MTMR3: variants seen among roughly 807,000 people sequenced by gnomAD.
MTMR3 encodes the protein myotubularin related protein 3.
MTMR3 carries 32 observed loss-of-function variants against 132.4 expected under a neutral mutation model. That is an observed-to-expected ratio of 0.24 (90% CI 0.18 to 0.32). The LOEUF is 0.32. Among genes scored for constraint, MTMR3 ranks in the 10% least tolerant of loss-of-function variants. The pLI, the probability that MTMR3 is intolerant of heterozygous loss-of-function variation, is 1.00. For missense variants in MTMR3, 1,216 were observed against 1,489.6 expected (o/e 0.82, Z 3.02); for synonymous variants, 556 against 550.3 (o/e 1.01, Z -0.14).
At chr22:29,886,754 C>T (rs1161708703) in intron 1 of MTMR3, among the ~76,000 whole-genome samples, 1 of 152,150 alleles carries the variant, frequency 6.6e-6, no homozygotes, top group Non-Finnish European at 1.5e-5. Flanking sequence ...ATGTATGTTG[C>T]AAGTGTTATG....
intron 5 of MTMR3, chr22:29,979,410 T>C (rs958706816): frequency 7.3e-5 from 16 of 218,414 alleles, no homozygotes; most frequent in Non-Finnish European, 1.5e-4. Context: ...GAGAATGGCA[T>C]GAACCCGGGA....
chr22:30,027,370 G>A lies in MTMR3; in HGVS notation c.*1569G>A, dbSNP rs2067930702. On this transcript the variant is annotated 3_prime_UTR_variant, in exon 20 of 20. Transcript: ENST00000401950. The stretch of plus-strand genomic sequence containing the variant: ...GGTGGTTCTGTGCATGCCTGGGTGT[G>A]GTTAAGGCGTGGCCCAGAAGGCTTC... The A allele has an allele frequency of 6.5e-6, 1 of 152,836 alleles. No homozygotes were observed. Among genetic ancestry groups the A allele is most frequent in the Non-Finnish European group, 1.5e-5 (1 of 68,080 alleles). The allele number at this position is 152,836 out of a possible 1,614,324, so 9.5% of individuals were successfully genotyped here.
rs1366857080 is a variant in MTMR3 at position 30,022,131 on chromosome 22, G to A, written c.3328G>A (p.Asp1110Asn). The A allele has an allele frequency of 6.2e-7, 1 of 1,612,330 alleles. No homozygotes were observed. Among genetic ancestry groups the A allele is most frequent in the South Asian group, 1.1e-5 (1 of 91,046 alleles). ...EASWEQVDKQDTEMTRWLPDH... is the reference protein window; with the variant it reads ...EASWEQVDKQNTEMTRWLPDH... The stretch of plus-strand genomic sequence containing the variant: ...CAGCTGGGAGCAGGTGGATAAACAG[G>A]ACACAGAGGTACAGGCTCAGCCCCT... Residue 1110 changes from aspartate to asparagine, a missense_variant, in exon 18 of 20, where the codon GAC (aspartate) becomes AAC (asparagine). Asp to Asn is a conservative substitution (Grantham distance 23). This residue lies in a region of MTMR3 where 852 missense variants were observed against 852.0 expected (regional missense o/e 1.00). Transcript: ENST00000401950.
chr22:30,022,003 G>C (rs756865053), intron 17 of MTMR3, 26 bp from the exon 18 acceptor site: 1 of 1,565,066 alleles, frequency 6.4e-7, no homozygotes, highest in South Asian at 1.1e-5. Flanking sequence ...GGTTCATTCT[G>C]TTCAGCTGTG....
chr22:29,942,491 A>G (rs1044413796), intron 1 of MTMR3, among the ~76,000 whole-genome samples: 2 of 152,208 alleles, frequency 1.3e-5, no homozygotes, highest in African/African-American at 2.4e-5. Flanking sequence ...TTGAGAGCAG[A>G]CAACTGGTCT....
At chr22:29,964,309 C>T (rs774320582) in intron 2 of MTMR3, among the ~76,000 whole-genome samples, 1 of 152,192 alleles carries the variant, frequency 6.6e-6, no homozygotes, top group Non-Finnish European at 1.5e-5. Flanking sequence ...GGATTGGTCA[C>T]ATCTGCGATT....
At chr22:30,022,227 C>T in intron 18 of MTMR3, 88 bp downstream of exon 18, 1 of 1,028,828 alleles carries the variant, frequency 9.7e-7, no homozygotes, top group Non-Finnish European at 1.5e-6. Context: ...TACCCCTGGC[C>T]AAGGAAGCAC....
chr22:29,927,739 G>A (rs2065545102), intron 1 of MTMR3, among the ~76,000 whole-genome samples: 2 of 150,338 alleles, frequency 1.3e-5, no homozygotes, highest in Admixed American at 1.3e-4. Context: ...TTCCTTGGAT[G>A]GAGACTCTTT....
intron 7 of MTMR3, chr22:29,996,524 A>T (rs2067063012): frequency 6.6e-6 from 1 of 152,110 alleles, no homozygotes; most frequent in South Asian, 2.1e-4. Flanking sequence ...GTAAAAGATC[A>T]TTAATGTACA....
intron 1 of MTMR3, among the ~76,000 whole-genome samples, chr22:29,905,347 G>C (rs1296047087): frequency 6.6e-6 from 1 of 152,174 alleles, no homozygotes; most frequent in Non-Finnish European, 1.5e-5. Context: ...GAGTGGACCT[G>C]TGCAGTTCAA....
chr22:29,983,530 A>T (rs549522364), intron 5 of MTMR3: 2 of 152,216 alleles, frequency 1.3e-5, no homozygotes, highest in Admixed American at 6.5e-5. Context: ...TAGCATTCAT[A>T]TAACAGTGGG....
intron 4 of MTMR3, 57 bp downstream of exon 4, chr22:29,978,588 G>GC: frequency 1.5e-6 from 2 of 1,331,944 alleles, no homozygotes; most frequent in South Asian, 1.2e-5. Context: ...CTGTATAGCA[G>GC]AGTTAATGGA....
intron 1 of MTMR3, among the ~76,000 whole-genome samples, chr22:29,894,309 C>T (rs1478454276): frequency 1.3e-5 from 2 of 152,110 alleles, no homozygotes; most frequent in Non-Finnish European, 2.9e-5. Flanking sequence ...CTGATTTGAA[C>T]TTTATCATTG....
chr22:29,907,275 G>A (rs867136458), intron 1 of MTMR3, among the ~76,000 whole-genome samples: 14 of 151,486 alleles, frequency 9.2e-5, no homozygotes, highest in African/African-American at 2.2e-4. Flanking sequence ...CGTCGTGGGC[G>A]CCTGTAGTCC....
At position 30,025,904 on chromosome 22, in the gene MTMR3, G is replaced by A; in HGVS notation, c.*103G>A. On this transcript the variant is annotated 3_prime_UTR_variant, in exon 20 of 20. Coordinates refer to ENST00000401950, the MANE Select transcript of MTMR3 (RefSeq NM_021090.4). The stretch of plus-strand genomic sequence containing the variant: ...CCCGTGCACTTTGGAATGGGAGCGT[G>A]GAACCACCTGTACAGAGTGACAGAT... The A allele has an allele frequency of 8.3e-7, 1 of 1,209,846 alleles. No homozygotes were observed. Among genetic ancestry groups the A allele is most frequent in the Non-Finnish European group, 1.2e-6 (1 of 833,934 alleles). The allele number at this position is 1,209,846 out of a possible 1,614,324, so 74.9% of individuals were successfully genotyped here. A position where few individuals can be genotyped will look rare whatever the true frequency, so the allele number is the denominator to read the frequency against.
intron 1 of MTMR3, among the ~76,000 whole-genome samples, chr22:29,944,268 A>G (rs2065913266): frequency 6.6e-6 from 1 of 151,258 alleles, no homozygotes; most frequent in South Asian, 2.1e-4. Flanking sequence ...GATGGCAAAA[A>G]CTGTAATTAC....
intron 18 of MTMR3, 152 bp downstream of exon 18, chr22:30,022,291 A>G: frequency 1.6e-6 from 1 of 643,452 alleles, no homozygotes; most frequent in Non-Finnish European, 2.7e-6. Flanking sequence ...GGGAACCCAC[A>G]TGAAGCCTAG....
At chr22:29,907,445 A>AC (rs149621808) in intron 1 of MTMR3, among the ~76,000 whole-genome samples, 3,944 of 151,796 alleles carry the variant, frequency 0.026, 162 homozygotes, top group East Asian at 0.12. Context: ...TTCCTCTAAA[A>AC]CCCATTACTA....
At chr22:29,924,573 T>C (rs561552765) in intron 1 of MTMR3, among the ~76,000 whole-genome samples, 14 of 152,340 alleles carry the variant, frequency 9.2e-5, no homozygotes, top group African/African-American at 3.1e-4. Flanking sequence ...AATTTTAGAC[T>C]GAATTTTTCT....
Sources: gnomAD v4.1 joint callset for allele counts (sites outside exome capture counted in the v4.1 genomes callset) on GRCh38, gnomAD v4.1.1 for gene constraint, gnomAD v4.1.1 regional missense constraint, MANE v1.5 for transcripts, NCBI Gene and HGNC (gene_info 2026-07-23, HGNC 2026-07-21) for gene names.